Variants in PRKCZ observed in about 807,000 individuals in gnomAD.
PRKCZ encodes protein kinase C zeta.
A neutral mutation model predicts 79.5 loss-of-function variants in PRKCZ; 33 were observed. The observed-to-expected ratio is 0.41, with a 90% CI of 0.31 to 0.55. The LOEUF is 0.55. Among genes scored for constraint, PRKCZ ranks in the 20% least tolerant of loss-of-function variants. The pLI is 0.19. For synonymous variants in PRKCZ, 342 were observed against 320.9 expected (o/e 1.07, Z -0.70); for missense variants, 578 against 813.5 (o/e 0.71, Z 3.52).
At chr1:2,063,850 T>C (rs1258808813) in intron 4 of PRKCZ, among the ~76,000 whole-genome samples, 1 of 150,754 alleles carries the variant, frequency 6.6e-6, no homozygotes, top group Admixed American at 6.6e-5. Flanking sequence ...CATTTCTTTT[T>C]TTTTTTTTTT....
chr1:2,157,154 C>T (rs1447514308), intron 10 of PRKCZ, among the ~76,000 whole-genome samples: 1 of 152,168 alleles, frequency 6.6e-6, no homozygotes, highest in African/African-American at 2.4e-5. Context: ...CAGGGAAACG[C>T]AGCCTTCCTC....
intron 8 of PRKCZ, among the ~76,000 whole-genome samples, chr1:2,150,578 G>A (rs1047327745): frequency 6.6e-6 from 1 of 152,242 alleles, no homozygotes; most frequent in African/African-American, 2.4e-5. Flanking sequence ...ACCTTCCTCA[G>A]AAGCACACAG....
chr1:2,065,678 CAAAAAAAAA>C lies in PRKCZ; in HGVS notation c.334+6103_334+6111del, dbSNP rs61017134. ...TGGGCAACAGAGCCAGACTCTGTCT[CAAAAAAAAA>C]AAAAAAAAAAAAAAAGTGGTGTGGT... On this transcript the variant is annotated intron_variant, in intron 4 of 17. Coordinates refer to ENST00000378567, the MANE Select transcript of PRKCZ (RefSeq NM_002744.6). Among the ~76,000 whole-genome samples, 28 of 56,114 alleles carry C rather than the reference CAAAAAAAAA, an allele frequency of 5.0e-4. 1 individual carries two copies. The highest frequency in any genetic ancestry group is 1.6e-3 in the African/African-American group (26 of 16,276). The allele number at this position is 56,114 out of a possible 152,430, so 36.8% of individuals were successfully genotyped here. A position where few individuals can be genotyped will look rare whatever the true frequency, so the allele number is the denominator to read the frequency against.
intron 1 of PRKCZ, among the ~76,000 whole-genome samples, chr1:2,055,177 C>T (rs1417621489): frequency 2.6e-5 from 4 of 151,734 alleles, no homozygotes; most frequent in Admixed American, 6.6e-5. Context: ...CTCCTGACCT[C>T]GTGATCCACC....
Position 2,169,503 on chromosome 1 carries a change from CCT to C in PRKCZ, c.975-9_975-8del. 6.5e-7 allele frequency: 1 copy of C among 1,548,404 alleles called. No homozygotes were observed. The highest frequency in any genetic ancestry group is 8.7e-7 in the Non-Finnish European group (1 of 1,145,074). Reference sequence around the variant, plus strand: ...GCCGAGGTGACTGCAGCCTCCGGCGCCTCTCTCCCTGCAGGTTGTTCCTGGTC... The same window carrying C: ...GCCGAGGTGACTGCAGCCTCCGGCGCCTCTCCCTGCAGGTTGTTCCTGGTC... On this transcript the variant is annotated splice_polypyrimidine_tract_variant and intron_variant, in intron 10 of 17. Transcript: ENST00000378567.
chr1:2,118,244 G>A (rs111770276), intron 4 of PRKCZ, among the ~76,000 whole-genome samples: 9 of 151,646 alleles, frequency 5.9e-5, no homozygotes, highest in Admixed American at 1.3e-4. Context: ...TGATCCGCCC[G>A]CCTTGGCCTC....
intron 1 of PRKCZ, among the ~76,000 whole-genome samples, chr1:2,054,763 C>A (rs1660000901): frequency 6.6e-6 from 1 of 152,106 alleles, no homozygotes; most frequent in Non-Finnish European, 1.5e-5. Context: ...CCTGCACCGA[C>A]CCGGCTCGCG....
intron 4 of PRKCZ, among the ~76,000 whole-genome samples, chr1:2,118,427 T>C (rs1186483644): frequency 6.6e-6 from 1 of 150,892 alleles, no homozygotes; most frequent in Admixed American, 6.6e-5. Context: ...AAGCTCTGCC[T>C]CCTGGGTTCA....
At position 2,081,867 on chromosome 1, in the gene PRKCZ, G is replaced by A. The variant is rs1571230689; in HGVS notation, c.334+22276G>A. On this transcript the variant is annotated intron_variant, in intron 4 of 17. Transcript: ENST00000378567. The stretch of plus-strand genomic sequence containing the variant: ...TTCCTGCTGCCCTCTGTGCTGCACT[G>A]ACTTCCTCAGTTGGTTTGATGAGAG... Among the ~76,000 whole-genome samples the A allele has an allele frequency of 8.6e-5, 13 of 151,658 alleles. No homozygotes were observed. The South Asian group carries it at 2.7e-3, about 32-fold the overall frequency.
intron 4 of PRKCZ, among the ~76,000 whole-genome samples, chr1:2,069,387 AG>A (rs1180768891): frequency 6.6e-6 from 1 of 152,126 alleles, no homozygotes; most frequent in African/African-American, 2.4e-5. Flanking sequence ...TGGAGTGGAA[AG>A]GGAGTGGGTG....
At chr1:2,155,090 G>T (rs530483820) in intron 9 of PRKCZ, among the ~76,000 whole-genome samples, 1 of 152,198 alleles carries the variant, frequency 6.6e-6, no homozygotes, top group African/African-American at 2.4e-5. Flanking sequence ...TTTGGTGATC[G>T]TGGTGAAGAT....
At chr1:2,062,851 A>G (rs1314679851) in intron 4 of PRKCZ, among the ~76,000 whole-genome samples, 2 of 152,044 alleles carry the variant, frequency 1.3e-5, no homozygotes, top group Non-Finnish European at 2.9e-5. Context: ...ATTGCTGTCC[A>G]GTCATCATCA....
At chr1:2,131,700 T>C (rs1674986043) in intron 4 of PRKCZ, among the ~76,000 whole-genome samples, 1 of 152,220 alleles carries the variant, frequency 6.6e-6, no homozygotes, top group Non-Finnish European at 1.5e-5. Context: ...AACTGCAGGC[T>C]GTCCCCCGCC....
intron 4 of PRKCZ, among the ~76,000 whole-genome samples, chr1:2,079,400 A>G (rs1663054579): frequency 6.6e-6 from 1 of 152,226 alleles, no homozygotes; most frequent in African/African-American, 2.4e-5. Flanking sequence ...ATTTCCCAGA[A>G]TCGCACAGTT....
At chr1:2,107,437 G>A (rs910507030) in intron 4 of PRKCZ, among the ~76,000 whole-genome samples, 1 of 152,262 alleles carries the variant, frequency 6.6e-6, no homozygotes, top group Admixed American at 6.5e-5. Context: ...GGGCTGGGCT[G>A]ACTGATGCAT....
rs1451555369 is a variant in PRKCZ at position 2,174,536 on chromosome 1, C to T, written c.1406-218C>T. On this transcript the variant is annotated intron_variant, in intron 14 of 17. Transcript: ENST00000378567. The surrounding 1 kb of genome is among the most constrained non-coding windows in gnomAD (Gnocchi z 6.2). Reference sequence around the variant, plus strand: ...CTGAGGAAGGGGAGCTGCTGGTTCACGTCCGATCCTACGACACGTGCCAGC... The same window carrying T: ...CTGAGGAAGGGGAGCTGCTGGTTCATGTCCGATCCTACGACACGTGCCAGC... Among the ~76,000 whole-genome samples, 1 of 152,240 alleles carries T rather than the reference C, an allele frequency of 6.6e-6. No homozygotes were observed.
intron 4 of PRKCZ, chr1:2,074,336 G>T: frequency 1.3e-6 from 2 of 1,545,636 alleles, no homozygotes; most frequent in Middle Eastern, 1.9e-4. Flanking sequence ...GGGCCGGGGG[G>T]CTTGGGGAAA....
At chr1:2,136,725 T>C (rs1676273037) in intron 5 of PRKCZ, among the ~76,000 whole-genome samples, 1 of 151,266 alleles carries the variant, frequency 6.6e-6, no homozygotes, top group Non-Finnish European at 1.5e-5. Flanking sequence ...TGCCAGGGAG[T>C]GTTGCAGCAC....
rs1660721277 is a variant in PRKCZ at position 2,062,026 on chromosome 1, GCAGA to G, written c.334+2437_334+2440del. 2.6e-5 allele frequency among the ~76,000 whole-genome samples: 4 copies of G among 152,194 alleles called. No individual in the cohort carries two copies. In the South Asian group the frequency reaches 6.2e-4, roughly 24 times the overall value. On this transcript the variant is annotated intron_variant, in intron 4 of 17. Coordinates refer to ENST00000378567, the MANE Select transcript of PRKCZ (RefSeq NM_002744.6). ...GTACAGTGGATGGAGCACGCCAGAGGCAGACGAGGGCAGGACTGCGGCTGTACCG... is the reference window on the plus strand; with the variant it reads ...GTACAGTGGATGGAGCACGCCAGAGGCGAGGGCAGGACTGCGGCTGTACCG...
Sources: allele counts gnomAD v4.1 joint callset (sites outside exome capture counted in the v4.1 genomes callset), GRCh38; gene constraint gnomAD v4.1.1; non-coding constraint Gnocchi (gnomAD v3.1); transcripts MANE v1.5; gene names NCBI Gene and HGNC (gene_info 2026-07-23, HGNC 2026-07-21).